The following CDK19 variants were observed in gnomAD, a reference collection of about 807,000 sequenced individuals.
CDK19 encodes the protein cyclin dependent kinase 19, also known as cyclin-dependent kinase 19.
Under a neutral mutation model 68.3 loss-of-function variants are expected in CDK19, and 20 were observed. That is an observed-to-expected ratio of 0.29 (90% CI 0.21 to 0.43). The LOEUF (loss-of-function observed/expected upper bound fraction) is 0.43, where lower values mean the gene tolerates loss of function less well. CDK19 is among the 20% of genes least tolerant of loss of function. The probability of loss-of-function intolerance (pLI) is 1.00; values close to 1 mark genes in which losing one functional copy is unlikely to be tolerated. For missense variants in CDK19, 339 were observed against 623.5 expected (o/e 0.54, Z 4.86); for synonymous variants, 221 against 222.8 (o/e 0.99, Z 0.07).
intron 1 of CDK19, among the ~76,000 whole-genome samples, chr6:110,764,327 G>A (rs1779427396): frequency 1.3e-5 from 2 of 152,276 alleles, no homozygotes; most frequent in South Asian, 4.1e-4. Context: ...AACAAAGTTG[G>A]AAGACTGATA....
chr6:110,631,961 T>C, intron 6 of CDK19, 69 bp downstream of exon 6: 1 of 1,368,854 alleles, frequency 7.3e-7, no homozygotes, highest in Admixed American at 2.2e-5. Context: ...CAAGTAGCTT[T>C]ATTATTATAC....
chr6:110,768,520 A>G (rs544631906), intron 1 of CDK19, among the ~76,000 whole-genome samples: 10 of 152,346 alleles, frequency 6.6e-5, no homozygotes, highest in African/African-American at 9.6e-5. Flanking sequence ...GATAAACTTG[A>G]TATGTCCAGA....
intron 2 of CDK19, chr6:110,706,404 G>GTTTTTTTTTGTTTTT (rs1774482635): frequency 1.4e-5 from 1 of 71,064 alleles, no homozygotes; most frequent in Admixed American, 2.4e-4. Flanking sequence ...TAACACTGTT[G>GTTTTTTTTTGTTTTT]TTTTTTTTTT....
At chr6:110,678,565 C>T (rs1771724916) in intron 2 of CDK19, among the ~76,000 whole-genome samples, 1 of 152,154 alleles carries the variant, frequency 6.6e-6, no homozygotes, top group East Asian at 1.9e-4. Flanking sequence ...TATTTAAAAT[C>T]GCAACCACCA....
At chr6:110,750,214 A>G (rs1345838953) in intron 1 of CDK19, among the ~76,000 whole-genome samples, 2 of 145,944 alleles carry the variant, frequency 1.4e-5, no homozygotes, top group Non-Finnish European at 3.0e-5. Flanking sequence ...ATGAAAAACA[A>G]TTAGGAAGTT....
intron 5 of CDK19, among the ~76,000 whole-genome samples, chr6:110,632,987 G>A (rs571275585): frequency 1.3e-5 from 2 of 152,198 alleles, no homozygotes; most frequent in East Asian, 1.9e-4. Flanking sequence ...TTGGGAGGCC[G>A]AGGCAGGTGG....
intron 1 of CDK19, among the ~76,000 whole-genome samples, chr6:110,766,990 T>A (rs894167520): frequency 6.6e-6 from 1 of 151,650 alleles, no homozygotes; most frequent in African/African-American, 2.4e-5. Context: ...CAAAATAAGA[T>A]GGGCATTGTG....
At chr6:110,674,071 A>G (rs1771259000) in intron 2 of CDK19, among the ~76,000 whole-genome samples, 1 of 152,218 alleles carries the variant, frequency 6.6e-6, no homozygotes, top group Admixed American at 6.5e-5. Flanking sequence ...AATTCTTACA[A>G]CATTTAAAAC....
chr6:110,753,546 ATTT>A (rs373536633), intron 1 of CDK19, among the ~76,000 whole-genome samples: 1 of 134,324 alleles, frequency 7.4e-6, no homozygotes, highest in Non-Finnish European at 1.6e-5. Flanking sequence ...CCACACCTGG[ATTT>A]TTTTTTTTTT....
intron 4 of CDK19, among the ~76,000 whole-genome samples, chr6:110,647,722 A>G (rs2114841366): frequency 6.6e-6 from 1 of 152,354 alleles, no homozygotes; most frequent in African/African-American, 2.4e-5. Flanking sequence ...TTTTCAACAG[A>G]TTGTTTCAAT....
chr6:110,716,357 A>G (rs1296421272), intron 2 of CDK19, among the ~76,000 whole-genome samples: 1 of 152,160 alleles, frequency 6.6e-6, no homozygotes, highest in East Asian at 1.9e-4. Flanking sequence ...CTATTTATTA[A>G]AAGTATTAAT....
At chr6:110,786,364 T>C (rs1213300576) in intron 1 of CDK19, among the ~76,000 whole-genome samples, 1 of 152,176 alleles carries the variant, frequency 6.6e-6, no homozygotes, top group Admixed American at 6.5e-5. Context: ...CATCTTTTTT[T>C]CCATACCCCC....
intron 1 of CDK19, among the ~76,000 whole-genome samples, chr6:110,761,462 G>T (rs1779225477): frequency 6.6e-6 from 1 of 152,174 alleles, no homozygotes; most frequent in Non-Finnish European, 1.5e-5. Flanking sequence ...GCAAAAACTT[G>T]ATTCCCAGTG....
chr6:110,666,296 G>A (rs1781927677), intron 4 of CDK19, among the ~76,000 whole-genome samples: 1 of 149,960 alleles, frequency 6.7e-6, no homozygotes, highest in Admixed American at 6.6e-5. Flanking sequence ...CATAGTGGTG[G>A]GTGCCTGTAA....
chr6:110,626,982 T>TA lies in CDK19; in HGVS notation c.790+19dup. On this transcript the variant is annotated intron_variant, in intron 7 of 12. Transcript: ENST00000368911. ...TGAAATATGACTCAAAATATGACTT[T>TA]AAAAAGGAAAATAAATTACCTGCAG... 1 of 1,590,816 alleles carries TA rather than the reference T, an allele frequency of 6.3e-7. No homozygotes were observed. Among genetic ancestry groups the TA allele is most frequent in the Non-Finnish European group, 8.5e-7 (1 of 1,169,720 alleles).
chr6:110,675,738 G>A (rs913412603), intron 2 of CDK19, among the ~76,000 whole-genome samples: 7 of 151,310 alleles, frequency 4.6e-5, no homozygotes, highest in East Asian at 3.9e-4. Context: ...ATGGCTTACC[G>A]AACATTTTAA....
chr6:110,749,497 A>G (rs1778314218), intron 1 of CDK19, among the ~76,000 whole-genome samples: 2 of 151,976 alleles, frequency 1.3e-5, no homozygotes, highest in Admixed American at 1.3e-4. Flanking sequence ...AGTAGCTGGG[A>G]CTGCAGGCAC....
chr6:110,746,679 A>G (rs967743685), intron 1 of CDK19, among the ~76,000 whole-genome samples: 1 of 152,078 alleles, frequency 6.6e-6, no homozygotes, highest in Non-Finnish European at 1.5e-5. Context: ...ACTGTATCTC[A>G]CCTAGCATGG....
In CDK19 at chr6:110,701,385, AC is replaced by A. The variant is rs764129149; in HGVS notation, c.205-30845del. 1.4e-4 allele frequency among the ~76,000 whole-genome samples: 19 copies of A among 131,962 alleles called. No individual in the cohort carries two copies. In the South Asian group the frequency reaches 4.2e-3, roughly 29 times the overall value. The allele number at this position is 131,962 out of a possible 152,430, so 86.6% of individuals were successfully genotyped here. A position where few individuals can be genotyped will look rare whatever the true frequency, so the allele number is the denominator to read the frequency against. Reference sequence around the variant, plus strand: ...GTGAAACCCCATCTCTACTAAAAATACAAAAAAAAAAAAAAAATTAGCCGAG... The same window carrying A: ...GTGAAACCCCATCTCTACTAAAAATAAAAAAAAAAAAAAAAATTAGCCGAG... On this transcript the variant is annotated intron_variant, in intron 2 of 12. Coordinates refer to ENST00000368911, the MANE Select transcript of CDK19 (RefSeq NM_015076.5).
Sources: allele counts gnomAD v4.1 joint callset (sites outside exome capture counted in the v4.1 genomes callset), GRCh38; gene constraint gnomAD v4.1.1; transcripts MANE v1.5; gene names NCBI Gene and HGNC (gene_info 2026-07-23, HGNC 2026-07-21).